Variants in SLC4A8 observed in about 807,000 individuals in gnomAD.
SLC4A8 encodes the protein solute carrier family 4 member 8.
Under a neutral mutation model 125.0 loss-of-function variants are expected in SLC4A8, and 40 were observed. The observed-to-expected ratio is 0.32, with a 90% CI of 0.25 to 0.42. The LOEUF is 0.42. SLC4A8 is among the 10% of genes least tolerant of loss of function. The pLI, the probability that SLC4A8 is intolerant of heterozygous loss-of-function variation, is 1.00. For synonymous variants in SLC4A8, 456 were observed against 476.0 expected, an observed-to-expected ratio of 0.96 and a Z score of 0.55; for missense variants, 863 against 1,355.1, an observed-to-expected ratio of 0.64 and a Z score of 5.70.
upstream of SLC4A8, chr12:51,424,698 CCGG>C: frequency 2.3e-6 from 1 of 437,286 alleles, no homozygotes. Context: ...GCAACCGGGC[CCGG>C]GAGCGGTTGG....
chr12:51,496,037 A>G (rs1951451988), intron 21 of SLC4A8, among the ~76,000 whole-genome samples: 1 of 151,810 alleles, frequency 6.6e-6, no homozygotes, highest in African/African-American at 2.4e-5. Context: ...TCTATCTTTA[A>G]TTTTTTTCTA....
At chr12:51,461,581 G>C (rs1950325254) in intron 9 of SLC4A8, 2 of 266,344 alleles carry the variant, frequency 7.5e-6, no homozygotes, top group Admixed American at 4.8e-5. Flanking sequence ...ATTAAGGTTG[G>C]CTTAACTTTC....
chr12:51,412,973 GT>G (rs35279434), intron 1 of SLC4A8, among the ~76,000 whole-genome samples: 57,719 of 151,970 alleles, frequency 0.38, 11,229 homozygotes, highest in East Asian at 0.43. Flanking sequence ...TCTATTTTTA[GT>G]TTTTTAAGGA....
At position 51,508,808 on chromosome 12, in the gene SLC4A8, CAT is replaced by C. The variant is rs1253642426; in HGVS notation, c.*1371_*1372del. The stretch of plus-strand genomic sequence containing the variant: ...CCCATTAGCACCCAGATAATTCTAT[CAT>C]GTTAGTTTCCCATCCTGGAAAATCT... On this transcript the variant is annotated 3_prime_UTR_variant, in exon 25 of 25. Coordinates refer to ENST00000453097, the MANE Select transcript of SLC4A8 (RefSeq NM_001039960.3). The C allele has an allele frequency of 6.6e-6, 1 of 152,154 alleles. No individual in the cohort carries two copies. The highest frequency in any genetic ancestry group is 2.4e-5 in the African/African-American group (1 of 41,422). 9.4% of individuals were successfully genotyped at this position (152,154 alleles called of 1,614,324 possible).
At chr12:51,404,158 G>A (rs998623838) in intron 1 of SLC4A8, among the ~76,000 whole-genome samples, 2 of 152,144 alleles carry the variant, frequency 1.3e-5, no homozygotes, top group Non-Finnish European at 2.9e-5. Context: ...ATAGGACATC[G>A]GGAGCTACAT....
chr12:51,409,031 AC>A lies in SLC4A8; in HGVS notation c.-112+17544del, dbSNP rs1565753941. On this transcript the variant is annotated intron_variant, in intron 1 of 24. Transcript: ENST00000358657. ...GAAAGGAGAATTAGCATATATATAT[AC>A]TTTTTTTTTTTGAGACAGGATCTCA... is the stretch of plus-strand genomic sequence containing the variant. 3.6e-3 allele frequency among the ~76,000 whole-genome samples: 361 copies of A among 101,554 alleles called. 4 individuals are homozygous for A. The highest frequency in any genetic ancestry group is 0.015 in the African/African-American group (350 of 22,754). The allele number at this position is 101,554 out of a possible 152,430, so 66.6% of individuals were successfully genotyped here. A position where few individuals can be genotyped will look rare whatever the true frequency, so the allele number is the denominator to read the frequency against.
rs184254208 is a variant in SLC4A8 at position 51,473,329 on chromosome 12, C to T, written c.1905-1013C>T. 4.6e-5 allele frequency among the ~76,000 whole-genome samples: 7 copies of T among 152,256 alleles called. No individual in the cohort carries two copies. In the East Asian group the frequency reaches 1.2e-3, roughly 25 times the overall value. ...GTAGCCTTTTCAGATTGGCTTCTTTCACTTTGTAATATGCATTTAAGGTCC... is the reference window on the plus strand; with the variant it reads ...GTAGCCTTTTCAGATTGGCTTCTTTTACTTTGTAATATGCATTTAAGGTCC... On this transcript the variant is annotated intron_variant, in intron 14 of 24. Coordinates refer to ENST00000453097, the MANE Select transcript of SLC4A8 (RefSeq NM_001039960.3).
At position 51,512,323 on chromosome 12, in the gene SLC4A8, T is replaced by C. The variant is rs544665352; in HGVS notation, c.*4885T>C. 2.6e-5 allele frequency: 4 copies of C among 152,344 alleles called. No homozygotes were observed. The highest frequency in any genetic ancestry group is 9.6e-5 in the African/African-American group (4 of 41,570). The allele number at this position is 152,344 out of a possible 1,614,324, so 9.4% of individuals were successfully genotyped here. On this transcript the variant is annotated 3_prime_UTR_variant, in exon 25 of 25. Transcript: ENST00000453097. ...TTTCCCCAAAGGATATGGAGACTGA[T>C]GTGTGCTCCATATCTTGAGGGGAGC...
In SLC4A8 at chr12:51,488,843, A is replaced by G; in HGVS notation, c.2431A>G (p.Lys811Glu). The G allele has an allele frequency of 1.2e-6, 2 of 1,613,536 alleles. No homozygotes were observed. The highest frequency in any genetic ancestry group is 1.7e-6 in the Non-Finnish European group (2 of 1,179,688). ...QQITAVIINR[K>E]EHKLKKGCGY... ...GATCACAGCCGTCATTATTAACAGG[A>G]AGGAACATAAGCTCAAGGTAAAAAG... The change falls in exon 18 of 25, where the codon AAG becomes GAG. Residue 811 changes from lysine (K) to glutamate (E), a missense_variant. Around this residue, in one of 6 missense-constraint regions of SLC4A8, gnomAD observed 197 missense variants for 377.7 expected, o/e 0.52. Coordinates refer to ENST00000453097, the MANE Select transcript of SLC4A8 (RefSeq NM_001039960.3).
intron 14 of SLC4A8, 178 bp downstream of exon 14, chr12:51,471,710 G>A (rs1950706556): frequency 1.5e-6 from 1 of 648,420 alleles, no homozygotes; most frequent in Non-Finnish European, 2.6e-6. Context: ...ACAATCAAAA[G>A]TGTTGACAGA....
In SLC4A8 at chr12:51,475,216, A is replaced by G. The variant is rs764493667; in HGVS notation, c.2172+10A>G. On this transcript the variant is annotated intron_variant, in intron 16 of 24. Coordinates refer to ENST00000453097, the MANE Select transcript of SLC4A8 (RefSeq NM_001039960.3). ...TTATTTCCCAACCAGAGTAGGTAGC[A>G]TGTTCATGCATTTCTTTCACGTTAG... 2 of 1,612,892 alleles carry G rather than the reference A, an allele frequency of 1.2e-6. No homozygotes were observed. Among genetic ancestry groups the G allele is most frequent in the Non-Finnish European group, 1.7e-6 (2 of 1,178,972 alleles).
intron 16 of SLC4A8, among the ~76,000 whole-genome samples, chr12:51,484,673 C>G (rs1165005136): frequency 6.6e-6 from 1 of 152,160 alleles, no homozygotes; most frequent in Non-Finnish European, 1.5e-5. Context: ...CTTTTGGAAG[C>G]TTAGATTAAG....
At chr12:51,401,835 T>C (rs1226584245) in intron 1 of SLC4A8, among the ~76,000 whole-genome samples, 1 of 152,122 alleles carries the variant, frequency 6.6e-6, no homozygotes, top group Non-Finnish European at 1.5e-5. Context: ...ATATCAACTC[T>C]TCAATGCAGC....
chr12:51,479,791 G>A (rs950575847), intron 16 of SLC4A8, among the ~76,000 whole-genome samples: 2 of 151,606 alleles, frequency 1.3e-5, no homozygotes, highest in Non-Finnish European at 2.9e-5. Flanking sequence ...AAAATCAATG[G>A]TATAAAATCA....
intron 1 of SLC4A8, among the ~76,000 whole-genome samples, chr12:51,399,624 C>T (rs1332796949): frequency 1.3e-5 from 2 of 152,162 alleles, no homozygotes; most frequent in Admixed American, 1.3e-4. Flanking sequence ...AAAGTGAAAA[C>T]AGTTTTGGAG....
chr12:51,441,695 G>C (rs1949603549), intron 2 of SLC4A8, among the ~76,000 whole-genome samples: 1 of 152,240 alleles, frequency 6.6e-6, no homozygotes, highest in Admixed American at 6.5e-5. Context: ...TGATGCCTGA[G>C]ACAGCATGTG....
intron 17 of SLC4A8, among the ~76,000 whole-genome samples, chr12:51,486,529 A>G (rs1210571043): frequency 6.6e-6 from 1 of 152,252 alleles, no homozygotes; most frequent in Non-Finnish European, 1.5e-5. Context: ...AATGATCAAT[A>G]CATGGGGACT....
At chr12:51,466,400 A>G (rs1195730246) in intron 11 of SLC4A8, 2 of 152,204 alleles carry the variant, frequency 1.3e-5, no homozygotes, top group Non-Finnish European at 2.9e-5. Context: ...CCACACTTCA[A>G]ACAGGTTTCT....
intron 2 of SLC4A8, chr12:51,441,229 C>A: frequency 1.0e-6 from 1 of 981,300 alleles, no homozygotes; most frequent in Non-Finnish European, 1.2e-6. Flanking sequence ...TTTACTGTTT[C>A]TATTCTATTT....
Sources: allele counts gnomAD v4.1 joint callset (sites outside exome capture counted in the v4.1 genomes callset), GRCh38; gene constraint gnomAD v4.1.1; regional missense constraint gnomAD v4.1.1; transcripts MANE v1.5; gene names NCBI Gene and HGNC (gene_info 2026-07-23, HGNC 2026-07-21).